Variants in NEK10 observed in about 807,000 individuals in gnomAD.
NEK10 encodes the protein serine/threonine-protein kinase Nek10.
In NEK10, 122 loss-of-function variants were observed where a neutral mutation model predicts 159.8. The ratio of observed to expected loss-of-function variants is 0.76; its 90% confidence interval spans 0.66 to 0.89. The LOEUF is 0.89. Among genes scored for constraint, NEK10 ranks in the 40% least tolerant of loss-of-function variants. The pLI is 0.00. For missense variants in NEK10, 1,342 were observed against 1,323.1 expected (o/e 1.01, Z -0.22); for synonymous variants, 466 against 457.1 (o/e 1.02, Z -0.25).
chr3:27,236,340 G>A (rs959621909), intron 23 of NEK10, among the ~76,000 whole-genome samples: 3 of 151,768 alleles, frequency 2.0e-5, no homozygotes, highest in Non-Finnish European at 4.4e-5. Flanking sequence ...AGAACAAAAT[G>A]TATATATACA....
intron 22 of NEK10, among the ~76,000 whole-genome samples, chr3:27,264,138 A>G (rs1037584254): frequency 6.6e-6 from 1 of 152,214 alleles, no homozygotes; most frequent in Non-Finnish European, 1.5e-5. Context: ...GCTTGATTCT[A>G]AAGCCCCAAA....
chr3:27,309,348 T>C (rs2044499473), intron 9 of NEK10: 1 of 156,114 alleles, frequency 6.4e-6, no homozygotes, highest in African/African-American at 2.4e-5. Context: ...ACCCATAGAA[T>C]AGTGAAAAAA....
chr3:27,319,852 T>C (rs2149646936), intron 6 of NEK10, among the ~76,000 whole-genome samples: 1 of 152,086 alleles, frequency 6.6e-6, no homozygotes. Context: ...TTGATGAGAA[T>C]AATGGGGGCA....
chr3:27,296,281 A>T (rs1189178486), intron 14 of NEK10, among the ~76,000 whole-genome samples: 1 of 152,184 alleles, frequency 6.6e-6, no homozygotes, highest in Non-Finnish European at 1.5e-5. Flanking sequence ...TATTGCATCT[A>T]ATCTCTGTAA....
intron 31 of NEK10, among the ~76,000 whole-genome samples, chr3:27,135,119 T>C (rs929589319): frequency 4.6e-5 from 7 of 152,166 alleles, no homozygotes; most frequent in African/African-American, 1.7e-4. Flanking sequence ...TAGCACTTTA[T>C]AGTTTAGAAA....
intron 23 of NEK10, among the ~76,000 whole-genome samples, chr3:27,226,904 A>G (rs1430760864): frequency 2.6e-5 from 4 of 152,176 alleles, no homozygotes; most frequent in Non-Finnish European, 5.9e-5. Flanking sequence ...TTACATATGT[A>G]TAGAATAACT....
rs545045056 is a variant in NEK10, at chr3:27,226,764, A to C, written c.2091-24207T>G. Among the ~76,000 whole-genome samples, 8 of 152,338 alleles carry C rather than the reference A, an allele frequency of 5.3e-5. No homozygotes were observed. In the South Asian group the frequency reaches 1.5e-3, roughly 28 times the overall value. ...CTTAGAAAAAAAGATATATGAAAAA[A>C]TGGAAATAAAAATACTTGAAGGAGG... On this transcript the variant is annotated intron_variant, in intron 23 of 35. Transcript: ENST00000691995.
chr3:27,132,255 A>C (rs1942711017), intron 31 of NEK10, among the ~76,000 whole-genome samples: 4 of 152,214 alleles, frequency 2.6e-5, no homozygotes, highest in Admixed American at 2.6e-4. Context: ...TTCATTTAAC[A>C]AATTATTCAT....
intron 4 of NEK10, 101 bp downstream of exon 4, chr3:27,345,985 T>G: frequency 5.6e-6 from 6 of 1,064,352 alleles, no homozygotes; most frequent in South Asian, 1.5e-5. Flanking sequence ...TGGTAAATTT[T>G]GAAGCGGGTT....
At chr3:27,367,460 T>C (rs1047930695) in intron 1 of NEK10, 9 of 152,232 alleles carry the variant, frequency 5.9e-5, no homozygotes, top group African/African-American at 2.2e-4. Context: ...TAGTTTCCAA[T>C]TACTAAGGGT....
intron 22 of NEK10, among the ~76,000 whole-genome samples, chr3:27,261,868 C>T (rs1401181460): frequency 2.0e-5 from 3 of 152,158 alleles, no homozygotes; most frequent in Non-Finnish European, 4.4e-5. Flanking sequence ...AAGTCTCCTT[C>T]TAGGTCTCTA....
intron 18 of NEK10, among the ~76,000 whole-genome samples, chr3:27,291,000 A>C (rs2042958006): frequency 1.3e-5 from 2 of 152,258 alleles, no homozygotes; most frequent in Non-Finnish European, 2.9e-5. Context: ...TGCATCATGC[A>C]TTGGGAGAAA....
intron 23 of NEK10, among the ~76,000 whole-genome samples, chr3:27,248,416 T>C (rs1955312922): frequency 6.6e-6 from 1 of 152,146 alleles, no homozygotes; most frequent in Non-Finnish European, 1.5e-5. Flanking sequence ...TTTCATTTGC[T>C]TTGGCTTCTC....
rs527825675 is a variant in NEK10, at chr3:27,294,331, G to A, written c.1309-679C>T. 2.9e-3 allele frequency among the ~76,000 whole-genome samples: 441 copies of A among 152,286 alleles called. 2 individuals are homozygous for A. The highest frequency in any genetic ancestry group is 0.01 in the African/African-American group (424 of 41,566). ...GATCAGGGTTTGGTGAATCAAATCT[G>A]GGATCATTTCCTAAAATCAGTGATC... is the stretch of plus-strand genomic sequence containing the variant. On this transcript the variant is annotated intron_variant, in intron 15 of 35. Transcript: ENST00000691995.
At chr3:27,143,801 T>C (rs189826966) in intron 30 of NEK10, among the ~76,000 whole-genome samples, 263 of 152,254 alleles carry the variant, frequency 1.7e-3, no homozygotes, top group African/African-American at 6.0e-3. Flanking sequence ...GAGGGGTGTG[T>C]TGACTTCCAC....
intron 1 of NEK10, among the ~76,000 whole-genome samples, chr3:27,355,856 T>C (rs1303931315): frequency 6.6e-6 from 1 of 152,222 alleles, no homozygotes; most frequent in African/African-American, 2.4e-5. Context: ...TTCAGCCATG[T>C]TGGCTTTCTA....
At chr3:27,342,652 C>A (rs1256411589) in intron 5 of NEK10, among the ~76,000 whole-genome samples, 1 of 152,128 alleles carries the variant, frequency 6.6e-6, no homozygotes, top group Non-Finnish European at 1.5e-5. Context: ...GAAAAGAGAT[C>A]TCTCGACTTT....
rs539865359 is a variant in NEK10 at position 27,353,513 on chromosome 3, G to C, written c.-37-594C>G. 2.2e-4 allele frequency among the ~76,000 whole-genome samples: 33 copies of C among 152,264 alleles called. No individual in the cohort carries two copies. In the South Asian group the frequency reaches 5.4e-3, roughly 25 times the overall value. Reference sequence around the variant, plus strand: ...GGGCATTTCACTTCCACTGAATCTAGTGAAATTTAATTTTGTGAAATGCTC... The same window carrying C: ...GGGCATTTCACTTCCACTGAATCTACTGAAATTTAATTTTGTGAAATGCTC... On this transcript the variant is annotated intron_variant, in intron 1 of 35. Coordinates refer to ENST00000691995, the MANE Select transcript of NEK10 (RefSeq NM_001394966.1).
At chr3:27,214,653 T>C (rs1290364882) in intron 23 of NEK10, among the ~76,000 whole-genome samples, 1 of 151,940 alleles carries the variant, frequency 6.6e-6, no homozygotes, top group African/African-American at 2.4e-5. Flanking sequence ...TTCGAATACA[T>C]AACCAGGTGC....
Sources: allele counts gnomAD v4.1 joint callset (sites outside exome capture counted in the v4.1 genomes callset), GRCh38; gene constraint gnomAD v4.1.1; transcripts MANE v1.5; gene names NCBI Gene and HGNC (gene_info 2026-07-23, HGNC 2026-07-21).